The following SEPTIN7 variants were observed in gnomAD, a reference collection of about 807,000 sequenced individuals.
The protein encoded by SEPTIN7 is septin 7.
Under a neutral mutation model 63.3 loss-of-function variants are expected in SEPTIN7, and 10 were observed. That is an observed-to-expected ratio of 0.16 (90% CI 0.10 to 0.27). The LOEUF is 0.27. Among genes scored for constraint, SEPTIN7 ranks in the 10% least tolerant of loss-of-function variants. The pLI is 1.00. For synonymous variants in SEPTIN7, 131 were observed against 165.3 expected, an observed-to-expected ratio of 0.79 and a Z score of 1.59; for missense variants, 310 against 521.0, an observed-to-expected ratio of 0.59 and a Z score of 3.94.
chr7:35,847,251 C>T (rs773281915), intron 3 of SEPTIN7: 5 of 157,114 alleles, frequency 3.2e-5, no homozygotes, highest in Middle Eastern at 5.1e-4. Context: ...AAGGGCAGCT[C>T]GAGCCCACTG....
downstream of SEPTIN7, among the ~76,000 whole-genome samples, chr7:35,908,175 A>T (rs1788669006): frequency 6.6e-6 from 1 of 152,200 alleles, no homozygotes; most frequent in Admixed American, 6.5e-5. Flanking sequence ...GGTTTATCAG[A>T]GTCTCTCATC....
At chr7:35,863,129 A>T (rs994042756) in intron 3 of SEPTIN7, among the ~76,000 whole-genome samples, 1 of 152,170 alleles carries the variant, frequency 6.6e-6, no homozygotes, top group Non-Finnish European at 1.5e-5. Flanking sequence ...TTGTATTAGC[A>T]GATTTTTGCT....
At chr7:35,846,488 T>C (rs1784673177) in intron 3 of SEPTIN7, among the ~76,000 whole-genome samples, 1 of 152,240 alleles carries the variant, frequency 6.6e-6, no homozygotes, top group Non-Finnish European at 1.5e-5. Flanking sequence ...TTGCCAATAT[T>C]GAGTGGAAAT....
rs1217994187 is a variant in SEPTIN7, at chr7:35,906,664, T to C, written c.*2371T>C. 1 of 152,236 alleles carries C rather than the reference T, an allele frequency of 6.6e-6. No homozygotes were observed. Among genetic ancestry groups the C allele is most frequent in the Non-Finnish European group, 1.5e-5 (1 of 68,058 alleles). 9.4% of individuals were successfully genotyped at this position (152,236 alleles called of 1,614,324 possible). ...GGAATGGGATATCATTGCTTCCATA[T>C]CAGGTTCACAAGCAAGTTAAGTGGG... On this transcript the variant is annotated 3_prime_UTR_variant, in exon 14 of 14. Coordinates refer to ENST00000350320, the MANE Select transcript of SEPTIN7 (RefSeq NM_001788.6).
chr7:35,893,498 G>A (rs754224752), intron 11 of SEPTIN7, among the ~76,000 whole-genome samples: 2 of 151,982 alleles, frequency 1.3e-5, no homozygotes, highest in African/African-American at 4.8e-5. Flanking sequence ...CCATAATATC[G>A]TGTGTCTATA....
chr7:35,896,473 G>C (rs1256574802), intron 11 of SEPTIN7, among the ~76,000 whole-genome samples: 1 of 152,146 alleles, frequency 6.6e-6, no homozygotes, highest in African/African-American at 2.4e-5. Flanking sequence ...CCTTTCACCG[G>C]AAGAATCCTG....
intron 3 of SEPTIN7, among the ~76,000 whole-genome samples, chr7:35,835,456 A>G (rs1470498025): frequency 6.6e-6 from 1 of 152,200 alleles, no homozygotes; most frequent in Non-Finnish European, 1.5e-5. Flanking sequence ...TTGGAGCTGA[A>G]GAAACTGAGG....
At chr7:35,853,249 T>A (rs1474797680) in intron 3 of SEPTIN7, among the ~76,000 whole-genome samples, 1 of 152,064 alleles carries the variant, frequency 6.6e-6, no homozygotes, top group African/African-American at 2.4e-5. Flanking sequence ...CTGGGCAACA[T>A]AGTGAGACCT....
chr7:35,850,522 T>C (rs1213602119), intron 3 of SEPTIN7, among the ~76,000 whole-genome samples: 2 of 152,242 alleles, frequency 1.3e-5, no homozygotes, highest in Admixed American at 1.3e-4. Context: ...TCCTTTGCTT[T>C]CTTTTCTATA....
rs147678210 is a variant in SEPTIN7, at chr7:35,865,103, A to G, written c.276+1445A>G. On this transcript the variant is annotated intron_variant, in intron 4 of 13. Coordinates refer to ENST00000350320, the MANE Select transcript of SEPTIN7 (RefSeq NM_001788.6). ...AATTATGCTCTAAAAACTTGTTCCT[A>G]CATGCTTATTTATTTTGTGATAAAT... is the stretch of plus-strand genomic sequence containing the variant. Among the ~76,000 whole-genome samples, 235 of 151,656 alleles carry G rather than the reference A, an allele frequency of 1.5e-3. 1 individual carries two copies. Among genetic ancestry groups the G allele is most frequent in the African/African-American group, 5.4e-3 (224 of 41,320 alleles).
intron 3 of SEPTIN7, among the ~76,000 whole-genome samples, chr7:35,837,335 C>T (rs1312729963): frequency 6.6e-6 from 1 of 152,006 alleles, no homozygotes; most frequent in Non-Finnish European, 1.5e-5. Flanking sequence ...TGATATCGTA[C>T]GTTCTTTCAT....
intron 1 of SEPTIN7, among the ~76,000 whole-genome samples, chr7:35,818,607 C>G (rs563449992): frequency 6.6e-6 from 1 of 151,742 alleles, no homozygotes; most frequent in African/African-American, 2.4e-5. Context: ...TGTGTTTTTG[C>G]CTTTTTGGGG....
At chr7:35,829,100 C>T (rs1783674696) in intron 1 of SEPTIN7, among the ~76,000 whole-genome samples, 1 of 143,228 alleles carries the variant, frequency 7.0e-6, no homozygotes, top group Non-Finnish European at 1.5e-5. Context: ...TTGTCCACTA[C>T]TTCACTTCAT....
At chr7:35,886,328 C>A (rs1005630035) in intron 10 of SEPTIN7, among the ~76,000 whole-genome samples, 1 of 152,166 alleles carries the variant, frequency 6.6e-6, no homozygotes, top group African/African-American at 2.4e-5. Context: ...ACCAGTATTC[C>A]TACCAGGTGA....
At chr7:35,836,663 A>G (rs915275209) in intron 3 of SEPTIN7, among the ~76,000 whole-genome samples, 3 of 152,034 alleles carry the variant, frequency 2.0e-5, no homozygotes, top group Non-Finnish European at 2.9e-5. Context: ...TTTAGGAGTT[A>G]CTTAGTTAGT....
At chr7:35,873,553 T>C (rs1301704125) in intron 5 of SEPTIN7, 88 bp from the exon 6 acceptor site, 12 of 1,329,604 alleles carry the variant, frequency 9.0e-6, no homozygotes, top group African/African-American at 1.5e-5. Flanking sequence ...ATTTTGCCCA[T>C]TTGAAAATAC....
Position 35,901,776 on chromosome 7 carries a change from T to A in SEPTIN7, c.1135-1300T>A, listed in dbSNP as rs1414704239. 2.0e-5 allele frequency: 3 copies of A among 152,140 alleles called. No homozygotes were observed. In the East Asian group the frequency reaches 5.8e-4, roughly 29 times the overall value. 9.4% of individuals were successfully genotyped at this position (152,140 alleles called of 1,614,324 possible). A position where few individuals can be genotyped will look rare whatever the true frequency, so the allele number is the denominator to read the frequency against. ...CTCTCATTCCCAGAGGTAACTACTA[T>A]TCCGAATTGTGTATATGTGACTCTT... On this transcript the variant is annotated intron_variant, in intron 12 of 13. Transcript: ENST00000350320.
At chr7:35,890,260 A>G (rs2116329741) in intron 10 of SEPTIN7, among the ~76,000 whole-genome samples, 1 of 152,318 alleles carries the variant, frequency 6.6e-6, no homozygotes. Context: ...TGTATTAATA[A>G]AAACTCATAT....
At chr7:35,804,836 T>TTG (rs1788223362) in intron 1 of SEPTIN7, among the ~76,000 whole-genome samples, 1 of 93,224 alleles carries the variant, frequency 1.1e-5, no homozygotes, top group Admixed American at 1.1e-4. Context: ...TCTTTTTTTG[T>TTG]TTTTTTTTTT....
Sources: allele counts gnomAD v4.1 joint callset (sites outside exome capture counted in the v4.1 genomes callset), GRCh38; gene constraint gnomAD v4.1.1; transcripts MANE v1.5; gene names NCBI Gene and HGNC (gene_info 2026-07-23, HGNC 2026-07-21).